The following COL14A1 variants were observed in gnomAD, a reference collection of about 807,000 sequenced individuals.
COL14A1 encodes the protein collagen type XIV alpha 1 chain.
A neutral mutation model predicts 230.3 loss-of-function variants in COL14A1; 136 were observed. The observed-to-expected ratio is 0.59, with a 90% CI of 0.51 to 0.68. COL14A1 has a LOEUF of 0.68. COL14A1 is among the 30% of genes least tolerant of loss of function. COL14A1 has a pLI of 0.00. For synonymous variants in COL14A1, 792 were observed against 784.1 expected, an observed-to-expected ratio of 1.01 and a Z score of -0.17; for missense variants, 1,976 against 2,215.8, an observed-to-expected ratio of 0.89 and a Z score of 2.17.
intron 26 of COL14A1, among the ~76,000 whole-genome samples, chr8:120,273,805 C>CAA (rs113673542): frequency 2.9e-5 from 4 of 140,126 alleles, no homozygotes; most frequent in South Asian, 2.3e-4. Flanking sequence ...AACAGTTTTC[C>CAA]AAAAAAAAAA....
intron 9 of COL14A1, among the ~76,000 whole-genome samples, chr8:120,205,123 C>G (rs542331432): frequency 6.6e-6 from 1 of 151,850 alleles, no homozygotes; most frequent in Non-Finnish European, 1.5e-5. Flanking sequence ...TGTTGATTGT[C>G]TGCAGTAGAA....
At chr8:120,163,744 CA>C (rs1363466246) in intron 4 of COL14A1, among the ~76,000 whole-genome samples, 1 of 152,064 alleles carries the variant, frequency 6.6e-6, no homozygotes, top group Non-Finnish European at 1.5e-5. Context: ...GCCTGGGCAA[CA>C]AGAGCAAAAC....
chr8:120,223,982 C>T (rs4871047), intron 14 of COL14A1, among the ~76,000 whole-genome samples: 16,837 of 145,010 alleles, frequency 0.12, 1,815 homozygotes, highest in East Asian at 0.47. Context: ...TCTGTTCTTT[C>T]TCTTGCCTTG....
At chr8:120,128,240 TG>T (rs1814416640) in intron 1 of COL14A1, among the ~76,000 whole-genome samples, 2 of 149,142 alleles carry the variant, frequency 1.3e-5, no homozygotes, top group African/African-American at 5.1e-5. Context: ...TGTGTGTGTG[TG>T]TGTGTGTGTG....
intron 3 of COL14A1, among the ~76,000 whole-genome samples, chr8:120,160,697 T>C (rs1002039429): frequency 3.3e-5 from 5 of 152,222 alleles, no homozygotes; most frequent in Non-Finnish European, 5.9e-5. Flanking sequence ...TAAAGAGTAA[T>C]AAATACATTT....
At chr8:120,186,920 A>C (rs1465595511) in intron 5 of COL14A1, among the ~76,000 whole-genome samples, 1 of 152,228 alleles carries the variant, frequency 6.6e-6, no homozygotes, top group Non-Finnish European at 1.5e-5. Flanking sequence ...AATGGAAGCC[A>C]GTCATAATAT....
chr8:120,327,922 G>A (rs191600915), intron 40 of COL14A1, among the ~76,000 whole-genome samples: 19 of 151,404 alleles, frequency 1.3e-4, no homozygotes, highest in African/African-American at 4.4e-4. Context: ...GAGCCACCAC[G>A]CCTGGCTAAG....
intron 5 of COL14A1, among the ~76,000 whole-genome samples, chr8:120,193,869 T>G (rs755302700): frequency 6.6e-6 from 1 of 152,154 alleles, no homozygotes; most frequent in Non-Finnish European, 1.5e-5. Flanking sequence ...TGGGATATAA[T>G]CTCCTGTAGC....
At chr8:120,329,844 A>T (rs192979160) in intron 40 of COL14A1, among the ~76,000 whole-genome samples, 1 of 152,316 alleles carries the variant, frequency 6.6e-6, no homozygotes, top group African/African-American at 2.4e-5. Flanking sequence ...GTTTAATGCA[A>T]TAAAATGAAA....
At chr8:120,236,000 T>C (rs1818432013) in intron 19 of COL14A1, among the ~76,000 whole-genome samples, 1 of 152,210 alleles carries the variant, frequency 6.6e-6, no homozygotes, top group Non-Finnish European at 1.5e-5. Context: ...TGATTTGCAT[T>C]CTTTTACATT....
At chr8:120,279,365 C>A (rs922197992) in intron 28 of COL14A1, among the ~76,000 whole-genome samples, 1 of 150,940 alleles carries the variant, frequency 6.6e-6, no homozygotes, top group East Asian at 2.0e-4. Context: ...TATATATGGA[C>A]CAGGGAAGGA....
intron 32 of COL14A1, 72 bp downstream of exon 32, chr8:120,283,850 G>C: frequency 7.5e-7 from 1 of 1,327,036 alleles, no homozygotes; most frequent in Non-Finnish European, 1.0e-6. Context: ...CATTTTGCCT[G>C]TTTGTGTATA....
At chr8:120,213,754 A>C (rs2130769747) in intron 13 of COL14A1, among the ~76,000 whole-genome samples, 1 of 152,272 alleles carries the variant, frequency 6.6e-6, no homozygotes, top group South Asian at 2.1e-4. Flanking sequence ...ATTAGCAAAA[A>C]GGTCCTAAAA....
At chr8:120,289,066 C>G (rs184192849) in intron 33 of COL14A1, among the ~76,000 whole-genome samples, 1 of 152,190 alleles carries the variant, frequency 6.6e-6, no homozygotes, top group East Asian at 1.9e-4. Flanking sequence ...GAAAAATGTA[C>G]CATACACTAA....
intron 26 of COL14A1, among the ~76,000 whole-genome samples, chr8:120,275,784 C>A (rs1819820033): frequency 6.6e-6 from 1 of 151,862 alleles, no homozygotes; most frequent in Non-Finnish European, 1.5e-5. Context: ...CAATGAGATA[C>A]CTCCTTGCCC....
intron 1 of COL14A1, among the ~76,000 whole-genome samples, chr8:120,130,607 A>G (rs1013187395): frequency 3.3e-5 from 5 of 152,268 alleles, no homozygotes; most frequent in African/African-American, 1.2e-4. Flanking sequence ...GTGTACAAGG[A>G]AAGAAATGTA....
intron 42 of COL14A1, among the ~76,000 whole-genome samples, chr8:120,339,164 G>A (rs1822196429): frequency 6.6e-6 from 1 of 152,166 alleles, no homozygotes; most frequent in Admixed American, 6.5e-5. Flanking sequence ...TAGTAGAGAT[G>A]GGGTTTCACC....
At chr8:120,222,727 T>C (rs554240420) in intron 14 of COL14A1, among the ~76,000 whole-genome samples, 18 of 152,264 alleles carry the variant, frequency 1.2e-4, no homozygotes, top group African/African-American at 4.1e-4. Flanking sequence ...AAACAGTTTT[T>C]TTGGTGCCTT....
chr8:120,362,790 A>C (rs901509011), intron 45 of COL14A1, among the ~76,000 whole-genome samples: 1 of 152,168 alleles, frequency 6.6e-6, no homozygotes, highest in Non-Finnish European at 1.5e-5. Flanking sequence ...AAAAAGAGAG[A>C]GAGAAGGAGT....
Sources: gnomAD v4.1 joint callset for allele counts (sites outside exome capture counted in the v4.1 genomes callset) on GRCh38, gnomAD v4.1.1 for gene constraint, MANE v1.5 for transcripts, NCBI Gene and HGNC (gene_info 2026-07-23, HGNC 2026-07-21) for gene names.